Variants in NEBL observed in about 807,000 individuals in gnomAD.
NEBL encodes LIM and SH3 protein 2.
A neutral mutation model predicts 140.2 loss-of-function variants in NEBL; 122 were observed. The observed-to-expected ratio is 0.87, with a 90% CI of 0.75 to 1.01. The LOEUF (loss-of-function observed/expected upper bound fraction) is 1.01. NEBL is among the 50% of genes least tolerant of loss of function. The pLI is 0.00. For synonymous variants in NEBL, 436 were observed against 398.9 expected, an observed-to-expected ratio of 1.09 and a Z score of -1.11; for missense variants, 1,365 against 1,231.3, an observed-to-expected ratio of 1.11 and a Z score of -1.62.
chr10:21,123,653 A>G (rs1838681279), intron 2 of NEBL, among the ~76,000 whole-genome samples: 1 of 151,702 alleles, frequency 6.6e-6, no homozygotes. Context: ...CTTCCCCTTC[A>G]TATTGGCATC....
intron 2 of NEBL, among the ~76,000 whole-genome samples, chr10:21,112,363 G>A (rs1017598412): frequency 6.6e-6 from 1 of 152,076 alleles, no homozygotes; most frequent in Non-Finnish European, 1.5e-5. Flanking sequence ...ATGATAGACT[G>A]GATTAAGAAA....
intron 1 of NEBL, among the ~76,000 whole-genome samples, chr10:21,274,413 TTTAG>T (rs750397653): frequency 9.8e-5 from 15 of 152,304 alleles, no homozygotes; most frequent in African/African-American, 1.7e-4. Context: ...CTGCGTTTTA[TTTAG>T]TTAGTTAGTA....
chr10:21,171,779 C>T lies in NEBL; in HGVS notation c.164+604G>A, dbSNP rs149251564. 4.7e-3 allele frequency: 726 copies of T among 155,774 alleles called. 11 individuals are homozygous for T. The highest frequency in any genetic ancestry group is 0.016 in the African/African-American group (678 of 41,528). 9.6% of individuals were successfully genotyped at this position (155,774 alleles called of 1,614,324 possible). ...CAAAGAAGGCTTACCTTTTTTAATC[C>T]CCACCTACTACAGCACTAACCAGTC... is the stretch of plus-strand genomic sequence containing the variant. On this transcript the variant is annotated intron_variant, in intron 2 of 6. Transcript: ENST00000417816.
chr10:20,852,766 G>T, intron 9 of NEBL, 117 bp from the exon 10 acceptor site: 4 of 897,376 alleles, frequency 4.5e-6, no homozygotes, highest in Non-Finnish European at 7.1e-6. Context: ...CTGTTGCCAA[G>T]TCCCCATCTG....
intron 3 of NEBL, among the ~76,000 whole-genome samples, chr10:21,008,115 A>T (rs922687180): frequency 6.6e-6 from 1 of 152,178 alleles, no homozygotes; most frequent in African/African-American, 2.4e-5. Context: ...TAACTTTGTT[A>T]TATTATTATA....
At chr10:21,143,532 C>A (rs1046223845) in intron 2 of NEBL, among the ~76,000 whole-genome samples, 2 of 149,554 alleles carry the variant, frequency 1.3e-5, no homozygotes, top group African/African-American at 2.5e-5. Context: ...ATAAGTACAA[C>A]CAGACTCATT....
At chr10:21,135,294 G>A (rs1839300207) in intron 2 of NEBL, among the ~76,000 whole-genome samples, 1 of 152,210 alleles carries the variant, frequency 6.6e-6, no homozygotes, top group African/African-American at 2.4e-5. Context: ...AGGCCACAGG[G>A]CCAATGCTGA....
At chr10:20,975,447 A>C (rs1402630260) in intron 3 of NEBL, among the ~76,000 whole-genome samples, 4 of 152,174 alleles carry the variant, frequency 2.6e-5, no homozygotes, top group Non-Finnish European at 4.4e-5. Flanking sequence ...AGGTGGTTCC[A>C]CTATGTGGAA....
At chr10:21,017,429 G>A (rs1050563444) in intron 3 of NEBL, among the ~76,000 whole-genome samples, 1 of 152,114 alleles carries the variant, frequency 6.6e-6, no homozygotes, top group African/African-American at 2.4e-5. Context: ...AAGATCTGAT[G>A]TCTTCCCCTG....
chr10:21,070,282 A>G (rs1835759144), intron 2 of NEBL, among the ~76,000 whole-genome samples: 1 of 152,176 alleles, frequency 6.6e-6, no homozygotes, highest in East Asian at 1.9e-4. Context: ...TCATTTAAGT[A>G]AATCTCTCAG....
chr10:20,999,601 C>G (rs771770453), intron 3 of NEBL, among the ~76,000 whole-genome samples: 23 of 151,908 alleles, frequency 1.5e-4, no homozygotes, highest in Non-Finnish European at 2.5e-4. Context: ...CCTGTCTCAC[C>G]TCACAAAAGA....
intron 18 of NEBL, among the ~76,000 whole-genome samples, chr10:20,824,225 G>C (rs183100462): frequency 2.6e-5 from 4 of 152,282 alleles, no homozygotes; most frequent in African/African-American, 9.6e-5. Flanking sequence ...CTCAACTTAA[G>C]AGGCCGTGTT....
chr10:20,898,972 T>C (rs1372463109), upstream of NEBL, among the ~76,000 whole-genome samples: 2 of 152,170 alleles, frequency 1.3e-5, no homozygotes, highest in African/African-American at 4.8e-5. Flanking sequence ...GTATCACATA[T>C]CCTGTTCACC....
Position 20,954,724 on chromosome 10 carries a change from C to T in NEBL, c.357+6948G>A, listed in dbSNP as rs375036818. ...GGGCCTGGCTCCCCCACCACCACCC[C>T]GCCCCCTCTGCAAACAGCACAAACT... On this transcript the variant is annotated intron_variant, in intron 4 of 6. Transcript: ENST00000417816. 9.2e-5 allele frequency among the ~76,000 whole-genome samples: 14 copies of T among 152,316 alleles called. No homozygotes were observed. In the East Asian group the frequency reaches 1.4e-3, roughly 15 times the overall value.
chr10:20,828,519 T>TAGC lies in NEBL; in HGVS notation c.1776+10_1776+11insGCT, dbSNP rs752802559. On this transcript the variant is annotated intron_variant, in intron 17 of 27. Coordinates refer to ENST00000377122, the MANE Select transcript of NEBL (RefSeq NM_006393.3). ...CAAGGTGGCAACTTAAAAGAAGTAA[T>TAGC]GGCTACTCACCGCACTAATGTTTTG... The TAGC allele has an allele frequency of 2.9e-5, 45 of 1,528,292 alleles. No homozygotes were observed. In the Admixed American group the frequency reaches 7.5e-4, roughly 26 times the overall value. 94.7% of individuals were successfully genotyped at this position (1,528,292 alleles called of 1,614,324 possible).
intron 3 of NEBL, among the ~76,000 whole-genome samples, chr10:21,219,594 T>C (rs1682804266): frequency 6.6e-6 from 1 of 152,244 alleles, no homozygotes. Flanking sequence ...TTTTATGGTT[T>C]CATATGAATT....
intron 2 of NEBL, among the ~76,000 whole-genome samples, chr10:21,088,839 G>T (rs1870706): frequency 0.29 from 43,808 of 152,120 alleles, 8,863 homozygotes; most frequent in African/African-American, 0.57. Flanking sequence ...CAGAGTCAGA[G>T]AGTCCAAGCT....
upstream of NEBL, among the ~76,000 whole-genome samples, chr10:20,900,099 T>C (rs1677140911): frequency 1.3e-5 from 2 of 152,206 alleles, no homozygotes; most frequent in Non-Finnish European, 2.9e-5. Context: ...CCAAGCTTAA[T>C]GTATTTTAAT....
chr10:21,023,443 C>T (rs1838881791), intron 2 of NEBL, among the ~76,000 whole-genome samples: 1 of 152,124 alleles, frequency 6.6e-6, no homozygotes. Context: ...CCTGTAATGC[C>T]AGCACTTTGG....
Sources: allele counts gnomAD v4.1 joint callset (sites outside exome capture counted in the v4.1 genomes callset), GRCh38; gene constraint gnomAD v4.1.1; transcripts MANE v1.5; gene names NCBI Gene and HGNC (gene_info 2026-07-23, HGNC 2026-07-21).